Variants in CCDC125 observed in about 807,000 individuals in gnomAD.
CCDC125 encodes coiled-coil domain-containing protein 125.
CCDC125 carries 43 observed loss-of-function variants against 57.4 expected under a neutral mutation model. The ratio of observed to expected loss-of-function variants is 0.75; its 90% CI spans 0.59 to 0.97. CCDC125 has a LOEUF of 0.97. CCDC125 is among the 50% of genes least tolerant of loss of function. The probability of loss-of-function intolerance (pLI) is 0.00; values close to 1 mark genes in which losing one functional copy is unlikely to be tolerated. For synonymous variants in CCDC125, 187 were observed against 195.2 expected (o/e 0.96, Z 0.35); for missense variants, 563 against 595.7 (o/e 0.95, Z 0.57).
Position 69,280,493 on chromosome 5 carries a change from G to A in CCDC125, c.*2236C>T, listed in dbSNP as rs1048756336. The A allele has an allele frequency of 6.6e-6, 1 of 152,178 alleles. No individual in the cohort carries two copies. The allele number at this position is 152,178 out of a possible 1,614,324, so 9.4% of individuals were successfully genotyped here. A position where few individuals can be genotyped will look rare whatever the true frequency, so the allele number is the denominator to read the frequency against. ...ATAATGCAAAACTCCCATAAAGGGAGTTTCTCCAGCAATAATCAATGCTGT... is the reference window on the plus strand; with the variant it reads ...ATAATGCAAAACTCCCATAAAGGGAATTTCTCCAGCAATAATCAATGCTGT... On this transcript the variant is annotated 3_prime_UTR_variant, in exon 12 of 12. Coordinates refer to ENST00000396496, the MANE Select transcript of CCDC125 (RefSeq NM_176816.5).
Position 69,282,709 on chromosome 5 carries a change from C to T in CCDC125, c.*20G>A. On this transcript the variant is annotated 3_prime_UTR_variant, in exon 12 of 12. Transcript: ENST00000396496. ...TCTCGATATAAACAACTCTCAGTTC[C>T]AATTTCAACTGGCTTGTCTTTAAAA... is the stretch of plus-strand genomic sequence containing the variant. 1 of 1,542,172 alleles carries T rather than the reference C, an allele frequency of 6.5e-7. No individual in the cohort carries two copies. Among genetic ancestry groups the T allele is most frequent in the Non-Finnish European group, 8.7e-7 (1 of 1,146,516 alleles).
downstream of CCDC125, among the ~76,000 whole-genome samples, chr5:69,279,819 T>C (rs1413078766): frequency 6.7e-6 from 1 of 149,734 alleles, no homozygotes; most frequent in Non-Finnish European, 1.5e-5. Flanking sequence ...ATTATTCCGT[T>C]CTCAAACTGC....
At chr5:69,315,452 A>AG (rs1758890750) in intron 2 of CCDC125, among the ~76,000 whole-genome samples, 1 of 5,420 alleles carries the variant, frequency 1.8e-4, no homozygotes, top group Non-Finnish European at 1.1e-3. Context: ...AAAAAAAACA[A>AG]AAAAAAAAAC....
At chr5:69,295,951 T>C (rs1157145568) in intron 8 of CCDC125, among the ~76,000 whole-genome samples, 2 of 151,182 alleles carry the variant, frequency 1.3e-5, no homozygotes, top group East Asian at 2.0e-4. Flanking sequence ...TGGCGCGATC[T>C]CGGCTCACTG....
rs773486992 is a variant in CCDC125, at chr5:69,285,410, G to A, written c.1157C>T (p.Pro386Leu). 3 of 1,611,170 alleles carry A rather than the reference G, an allele frequency of 1.9e-6. No homozygotes were observed. Among genetic ancestry groups the A allele is most frequent in the Admixed American group, 1.7e-5 (1 of 59,260 alleles). Residue 386 changes from proline to leucine, a missense_variant, in exon 11 of 12, where the codon CCT (proline) becomes CTT (leucine). Coordinates refer to ENST00000396496, the MANE Select transcript of CCDC125 (RefSeq NM_176816.5). ...TFGQRLLGML[P>L]SENSSKRMED... ...CATCCTCTTAGAACTGTTTTCTGAA[G>A]GGAGCATACCCAACAGTCTCTGCCC... is the stretch of plus-strand genomic sequence containing the variant.
chr5:69,299,293 TA>T (rs1271293091), intron 8 of CCDC125, among the ~76,000 whole-genome samples: 1 of 152,012 alleles, frequency 6.6e-6, no homozygotes, highest in Non-Finnish European at 1.5e-5. Context: ...GTATTTTTAG[TA>T]GAGACAGGGT....
chr5:69,325,825 CAAAAAAAAAAAAA>C (rs70992925), intron 1 of CCDC125, among the ~76,000 whole-genome samples: 2 of 35,634 alleles, frequency 5.6e-5, no homozygotes, highest in Non-Finnish European at 1.1e-4. Context: ...CCCTCTGTCT[CAAAAAAAAAAAAA>C]AAAAAAAAAA....
chr5:69,323,766 G>A (rs1298748036), intron 1 of CCDC125: 1 of 152,112 alleles, frequency 6.6e-6, no homozygotes, highest in Non-Finnish European at 1.5e-5. Flanking sequence ...TAGTATCACT[G>A]AGCCCTCCCC....
chr5:69,303,361 CT>C (rs1003180857), intron 7 of CCDC125, among the ~76,000 whole-genome samples: 56 of 100,486 alleles, frequency 5.6e-4, no homozygotes, highest in South Asian at 2.7e-3. Flanking sequence ...GAATTGTTCA[CT>C]TTTTTTTTTT....
At chr5:69,293,088 G>A (rs1028261891) in intron 9 of CCDC125, among the ~76,000 whole-genome samples, 1 of 151,174 alleles carries the variant, frequency 6.6e-6, no homozygotes, top group East Asian at 2.0e-4. Flanking sequence ...TAATCCACCC[G>A]CCTCGGCCTC....
At chr5:69,276,545 A>G (rs1752160856), downstream of CCDC125, 1 of 1,612,380 alleles carries the variant, frequency 6.2e-7, no homozygotes, top group Non-Finnish European at 8.5e-7. Context: ...TTTAAAAGGC[A>G]CTGAAAATGA....
intron 2 of CCDC125, among the ~76,000 whole-genome samples, chr5:69,316,469 G>C (rs770233220): frequency 2.0e-5 from 3 of 152,186 alleles, no homozygotes; most frequent in Non-Finnish European, 4.4e-5. Context: ...GTAGCCTCTG[G>C]AGCTAGAAAA....
chr5:69,283,579 GC>G (rs895422215), intron 11 of CCDC125, among the ~76,000 whole-genome samples: 16 of 150,404 alleles, frequency 1.1e-4, no homozygotes, highest in African/African-American at 3.2e-4. Context: ...ATGCAGTGAT[GC>G]CATCTTGGCT....
At chr5:69,317,068 G>C (rs1759225684) in intron 2 of CCDC125, among the ~76,000 whole-genome samples, 1 of 152,102 alleles carries the variant, frequency 6.6e-6, no homozygotes, top group Non-Finnish European at 1.5e-5. Context: ...GAGTGCAGTG[G>C]TGTGATCTTG....
chr5:69,325,251 G>A (rs976485219), intron 1 of CCDC125, among the ~76,000 whole-genome samples: 7 of 150,002 alleles, frequency 4.7e-5, no homozygotes, highest in African/African-American at 1.2e-4. Flanking sequence ...GCTTGAACCC[G>A]GGAGGCAGGG....
the CCDC125 span, among the ~76,000 whole-genome samples, chr5:69,274,104 T>C: frequency 6.6e-6 from 1 of 152,224 alleles, no homozygotes; most frequent in African/African-American, 2.4e-5. Context: ...ATAATAAACT[T>C]GAGACCACAT....
intron 2 of CCDC125, among the ~76,000 whole-genome samples, chr5:69,317,974 T>A (rs1338009218): frequency 2.3e-5 from 1 of 42,730 alleles, no homozygotes; most frequent in Non-Finnish European, 4.8e-5. Context: ...GTCTCTAGAA[T>A]TTTTTTTTTT....
Position 69,282,588 on chromosome 5 carries a change from TATTTG to T in CCDC125, c.*136_*140del, listed in dbSNP as rs1258240696. 1.3e-4 allele frequency: 86 copies of T among 652,762 alleles called. No individual in the cohort carries two copies. The East Asian group carries it at 2.0e-3, about 15-fold the overall frequency. 40.4% of individuals were successfully genotyped at this position (652,762 alleles called of 1,614,324 possible). A position where few individuals can be genotyped will look rare whatever the true frequency, so the allele number is the denominator to read the frequency against. On this transcript the variant is annotated 3_prime_UTR_variant, in exon 12 of 12. Coordinates refer to ENST00000396496, the MANE Select transcript of CCDC125 (RefSeq NM_176816.5). ...AAGAAGAAAAAGAAAATGTAGAAAATATTTGATTTAAGTGACCTCCTAAAATTTAG... is the reference window on the plus strand; with the variant it reads ...AAGAAGAAAAAGAAAATGTAGAAAATATTTAAGTGACCTCCTAAAATTTAG...
chr5:69,295,808 C>T (rs1019756560), intron 8 of CCDC125, among the ~76,000 whole-genome samples: 1 of 152,114 alleles, frequency 6.6e-6, no homozygotes, highest in African/African-American at 2.4e-5. Flanking sequence ...TGTTAAACTT[C>T]CCTAAACATT....
Sources: gnomAD v4.1 joint callset for allele counts (sites outside exome capture counted in the v4.1 genomes callset) on GRCh38, gnomAD v4.1.1 for gene constraint, MANE v1.5 for transcripts, NCBI Gene and HGNC (gene_info 2026-07-23, HGNC 2026-07-21) for gene names.